TNPO3: variants seen among roughly 807,000 people sequenced by gnomAD.
TNPO3 encodes transportin-3.
TNPO3 carries 65 observed loss-of-function variants against 122.8 expected under a neutral mutation model. The ratio of observed to expected loss-of-function variants is 0.53; its 90% CI spans 0.43 to 0.65. The LOEUF (loss-of-function observed/expected upper bound fraction) is 0.65. TNPO3 is among the 30% of genes least tolerant of loss of function. The pLI, the probability that TNPO3 is intolerant of heterozygous loss-of-function variation, is 0.00. For missense variants in TNPO3, 850 were observed against 1,136.7 expected (o/e 0.75, Z 3.63); for synonymous variants, 372 against 411.2 (o/e 0.90, Z 1.15).
intron 16 of TNPO3, among the ~76,000 whole-genome samples, chr7:128,978,233 C>T (rs530309392): frequency 6.6e-6 from 1 of 152,218 alleles, no homozygotes. Flanking sequence ...TAGAGAACAT[C>T]ATTTAGTGAG....
intron 21 of TNPO3, 104 bp from the exon 22 acceptor site, chr7:128,957,419 T>C: frequency 8.5e-7 from 1 of 1,172,398 alleles, no homozygotes; most frequent in South Asian, 1.3e-5. Context: ...CCAACTCTGC[T>C]AGGAGCTCTC....
intron 22 of TNPO3, among the ~76,000 whole-genome samples, chr7:128,955,930 T>C (rs2128972954): frequency 6.6e-6 from 1 of 152,338 alleles, no homozygotes; most frequent in Admixed American, 6.5e-5. Flanking sequence ...TAAACATTGT[T>C]GAACCTCAAT....
chr7:129,033,035 C>T (rs1806126568), intron 1 of TNPO3, among the ~76,000 whole-genome samples: 1 of 152,058 alleles, frequency 6.6e-6, no homozygotes, highest in Non-Finnish European at 1.5e-5. Context: ...CAGAAAGAAA[C>T]CCTCCTGTAA....
chr7:129,019,426 G>T (rs963621923), intron 1 of TNPO3, among the ~76,000 whole-genome samples: 8 of 152,140 alleles, frequency 5.3e-5, no homozygotes, highest in African/African-American at 1.9e-4. Flanking sequence ...TATCCTTCAA[G>T]ATCTTTCCAA....
chr7:128,991,081 G>T (rs187889585), intron 10 of TNPO3, among the ~76,000 whole-genome samples: 2 of 152,264 alleles, frequency 1.3e-5, no homozygotes, highest in African/African-American at 4.8e-5. Context: ...AGACATATTA[G>T]TTAGAACATT....
In TNPO3 at chr7:128,993,888, G is replaced by A; in HGVS notation, c.1185C>T (p.Asp395=). 1 of 1,614,028 alleles carries A rather than the reference G, an allele frequency of 6.2e-7. No individual in the cohort carries two copies. Among genetic ancestry groups the A allele is most frequent in the Non-Finnish European group, 8.5e-7 (1 of 1,179,992 alleles). The change falls in exon 9 of 23, where the codon GAC becomes GAT. Residue 395 remains aspartate, a synonymous_variant. Coordinates refer to ENST00000265388, the MANE Select transcript of TNPO3 (RefSeq NM_012470.4). ...DHEGVPEETD[D]FGEFRMRVSD... ...ATACCCTCATGCGAAACTCCCCAAA[G>A]TCATCAGTCTCCTCAGGAACCCCCT... is the stretch of plus-strand genomic sequence containing the variant.
At chr7:128,979,330 G>A (rs1247182405) in intron 15 of TNPO3, among the ~76,000 whole-genome samples, 1 of 152,188 alleles carries the variant, frequency 6.6e-6, no homozygotes, top group Non-Finnish European at 1.5e-5. Context: ...TGCCTCTTTA[G>A]AACTGGAAGA....
chr7:129,041,884 T>TAA (rs1807418830), intron 1 of TNPO3, among the ~76,000 whole-genome samples: 1 of 152,252 alleles, frequency 6.6e-6, no homozygotes, highest in South Asian at 2.1e-4. Flanking sequence ...TAACATGCTC[T>TAA]AAGCCCTTCA....
At chr7:129,023,308 C>T (rs967396195) in intron 1 of TNPO3, among the ~76,000 whole-genome samples, 1 of 151,716 alleles carries the variant, frequency 6.6e-6, no homozygotes, top group African/African-American at 2.4e-5. Context: ...GTATTTATAC[C>T]CACTATTTAT....
intron 14 of TNPO3, among the ~76,000 whole-genome samples, chr7:128,980,829 T>C (rs1392443860): frequency 6.6e-6 from 1 of 152,254 alleles, no homozygotes; most frequent in African/African-American, 2.4e-5. Flanking sequence ...TATTGCTTCA[T>C]TCCTTGCATT....
chr7:128,989,385 G>A (rs971845166), intron 11 of TNPO3, among the ~76,000 whole-genome samples: 2 of 152,054 alleles, frequency 1.3e-5, no homozygotes, highest in African/African-American at 2.4e-5. Flanking sequence ...TCGTCTCTTT[G>A]GGCCTCAGTT....
chr7:128,985,192 C>G (rs1156585678), intron 12 of TNPO3, among the ~76,000 whole-genome samples: 1 of 152,172 alleles, frequency 6.6e-6, no homozygotes, highest in Non-Finnish European at 1.5e-5. Flanking sequence ...TCTTCTTGGC[C>G]ATCTATAAGC....
At chr7:129,029,466 TC>T (rs1328443745) in intron 1 of TNPO3, 1 of 152,986 alleles carries the variant, frequency 6.5e-6, no homozygotes, top group Non-Finnish European at 1.5e-5. Context: ...GCTGTACCAA[TC>T]CTGAGACCTT....
At chr7:129,037,619 G>T in intron 1 of TNPO3, among the ~76,000 whole-genome samples, 1 of 152,252 alleles carries the variant, frequency 6.6e-6, no homozygotes, top group East Asian at 1.9e-4. Flanking sequence ...CTTTGGTGGT[G>T]CAGTCCTGGA....
rs1798312055 is a variant in TNPO3, at chr7:128,970,129, C to G, written c.2598+19G>C. 6.2e-7 allele frequency: 1 copy of G among 1,613,752 alleles called. No homozygotes were observed. The highest frequency in any genetic ancestry group is 8.5e-7 in the Non-Finnish European group (1 of 1,179,860). On this transcript the variant is annotated intron_variant, in intron 20 of 22. Coordinates refer to ENST00000265388, the MANE Select transcript of TNPO3 (RefSeq NM_012470.4). ...CATTTAGGGACTATGAGATAAATTC[C>G]TCATGAAAACAATCTTACCGGTCTG... is the stretch of plus-strand genomic sequence containing the variant.
intron 7 of TNPO3, 108 bp downstream of exon 7, chr7:129,000,321 A>G: frequency 8.2e-7 from 1 of 1,214,048 alleles, no homozygotes; most frequent in Non-Finnish European, 1.1e-6. Context: ...ATTAAAAACA[A>G]GACTGTAATT....
intron 8 of TNPO3, 39 bp from the exon 9 acceptor site, chr7:128,993,953 C>T (rs1801024755): frequency 6.4e-7 from 1 of 1,557,464 alleles, no homozygotes; most frequent in African/African-American, 1.4e-5. Context: ...TTTAAACTCA[C>T]TGCGGCTTTC....
intron 1 of TNPO3, among the ~76,000 whole-genome samples, chr7:129,021,371 G>T (rs200447664): frequency 6.8e-6 from 1 of 146,892 alleles, no homozygotes; most frequent in Non-Finnish European, 1.5e-5. Flanking sequence ...AAAAAAAAAA[G>T]AGAAAGAAAA....
At chr7:129,020,972 T>C (rs1396429987) in intron 1 of TNPO3, among the ~76,000 whole-genome samples, 1 of 152,054 alleles carries the variant, frequency 6.6e-6, no homozygotes, top group African/African-American at 2.4e-5. Context: ...CAACAGGGTG[T>C]CTACTGGACC....
Sources: allele counts gnomAD v4.1 joint callset (sites outside exome capture counted in the v4.1 genomes callset), GRCh38; gene constraint gnomAD v4.1.1; transcripts MANE v1.5; gene names NCBI Gene and HGNC (gene_info 2026-07-23, HGNC 2026-07-21).